Variants in CSMD3 observed in about 807,000 individuals in gnomAD.
CSMD3 encodes the protein CUB and sushi domain-containing protein 3.
A neutral mutation model predicts 435.2 loss-of-function variants in CSMD3; 177 were observed. The ratio of observed to expected loss-of-function variants is 0.41; its 90% CI spans 0.36 to 0.46. The LOEUF is 0.46. CSMD3 is among the 20% of genes least tolerant of loss of function. The pLI is 0.34. For missense variants in CSMD3, 4,265 were observed against 4,504.6 expected, an observed-to-expected ratio of 0.95 and a Z score of 1.52; for synonymous variants, 1,656 against 1,520.5, an observed-to-expected ratio of 1.09 and a Z score of -2.07.
rs190994121 is a variant in CSMD3 at position 112,668,063 on chromosome 8, A to G, written c.2678-1648T>C. Among the ~76,000 whole-genome samples, 202 of 152,240 alleles carry G rather than the reference A, an allele frequency of 1.3e-3. 1 individual carries two copies. Among genetic ancestry groups the G allele is most frequent in the African/African-American group, 4.7e-3 (194 of 41,556 alleles). Reference sequence around the variant, plus strand: ...TTCTGTTTTTAGTAAAACATTTTCTATGTGAAATTGCCAAAAGATGTTATT... The same window carrying G: ...TTCTGTTTTTAGTAAAACATTTTCTGTGTGAAATTGCCAAAAGATGTTATT... On this transcript the variant is annotated intron_variant, in intron 16 of 70. Coordinates refer to ENST00000297405, the MANE Select transcript of CSMD3 (RefSeq NM_198123.2).
At chr8:113,238,176 G>C (rs2093171607) in intron 3 of CSMD3, among the ~76,000 whole-genome samples, 1 of 151,562 alleles carries the variant, frequency 6.6e-6, no homozygotes, top group Non-Finnish European at 1.5e-5. Context: ...TTTTAGTTCT[G>C]CATATTTGGT....
intron 5 of CSMD3, among the ~76,000 whole-genome samples, chr8:113,047,077 GGAA>G (rs1462117674): frequency 6.6e-6 from 1 of 152,188 alleles, no homozygotes; most frequent in Non-Finnish European, 1.5e-5. Flanking sequence ...TGGCCTCCAC[GGAA>G]GAAGAGGAAG....
rs961789165 is a variant in CSMD3, at chr8:113,195,166, C to CA, written c.515-21251dup. Among the ~76,000 whole-genome samples the CA allele has an allele frequency of 9.5e-5, 14 of 147,350 alleles. No individual in the cohort carries two copies. In the South Asian group the frequency reaches 2.0e-3, roughly 21 times the overall value. ...AGCTATTTTTTTCCTTTCTTTCTTACAAAAAACACTCACTACTGAAAACGA... is the reference window on the plus strand; with the variant it reads ...AGCTATTTTTTTCCTTTCTTTCTTACAAAAAAACACTCACTACTGAAAACGA... On this transcript the variant is annotated intron_variant, in intron 3 of 70. Transcript: ENST00000297405.
chr8:112,498,550 A>G (rs1821607122), intron 30 of CSMD3, among the ~76,000 whole-genome samples: 1 of 152,130 alleles, frequency 6.6e-6, no homozygotes, highest in East Asian at 1.9e-4. Context: ...ACCAGTTTCC[A>G]TGAGAAATAA....
chr8:113,311,633 T>C (rs1290094682), intron 2 of CSMD3: 4 of 152,114 alleles, frequency 2.6e-5, no homozygotes, highest in Admixed American at 1.3e-4. Flanking sequence ...GACGCAAATA[T>C]GAATCAAACT....
intron 27 of CSMD3, among the ~76,000 whole-genome samples, chr8:112,536,307 A>G (rs1447898812): frequency 6.6e-6 from 1 of 152,136 alleles, no homozygotes; most frequent in East Asian, 1.9e-4. Context: ...ATCTACAATG[A>G]ACTCAAACAA....
At chr8:112,746,841 G>A (rs2077437959) in intron 13 of CSMD3, among the ~76,000 whole-genome samples, 1 of 152,044 alleles carries the variant, frequency 6.6e-6, no homozygotes, top group Admixed American at 6.6e-5. Context: ...AGACTTGGAA[G>A]GATAGAAATT....
intron 1 of CSMD3, among the ~76,000 whole-genome samples, chr8:113,361,150 A>C (rs2094272888): frequency 6.6e-6 from 1 of 152,120 alleles, no homozygotes; most frequent in African/African-American, 2.4e-5. Flanking sequence ...ATGCATTATG[A>C]TCATGTTCTT....
chr8:112,485,228 C>T (rs1006660816), intron 31 of CSMD3, among the ~76,000 whole-genome samples: 2 of 152,048 alleles, frequency 1.3e-5, no homozygotes, highest in African/African-American at 4.8e-5. Context: ...CAATGCAATG[C>T]AAAATACATT....
At chr8:112,957,207 A>T (rs2084052144) in intron 7 of CSMD3, among the ~76,000 whole-genome samples, 1 of 152,192 alleles carries the variant, frequency 6.6e-6, no homozygotes, top group Admixed American at 6.5e-5. Flanking sequence ...ATAAATCTTG[A>T]CTTGTCATCA....
At chr8:112,874,326 C>T (rs1229777341) in intron 10 of CSMD3, among the ~76,000 whole-genome samples, 1 of 151,992 alleles carries the variant, frequency 6.6e-6, no homozygotes, top group African/African-American at 2.4e-5. Flanking sequence ...GTTTTACTTC[C>T]AATTATGTGG....
chr8:112,380,621 C>T (rs1829387439), intron 37 of CSMD3, among the ~76,000 whole-genome samples, 165 bp from the exon 38 acceptor site: 1 of 152,220 alleles, frequency 6.6e-6, no homozygotes. Flanking sequence ...AATCCTCTTT[C>T]AATATACTAT....
intron 4 of CSMD3, among the ~76,000 whole-genome samples, chr8:113,105,976 G>A (rs2090463311): frequency 6.6e-6 from 1 of 151,990 alleles, no homozygotes; most frequent in African/African-American, 2.4e-5. Context: ...ATATGGAGAT[G>A]ATGGAATTAG....
intron 27 of CSMD3, among the ~76,000 whole-genome samples, chr8:112,525,221 A>C (rs547517111): frequency 1.2e-4 from 18 of 151,666 alleles, no homozygotes; most frequent in Non-Finnish European, 2.1e-4. Flanking sequence ...TTTTCAGAAT[A>C]CATTTTTGAC....
intron 27 of CSMD3, among the ~76,000 whole-genome samples, chr8:112,543,276 G>C (rs1220002065): frequency 6.6e-6 from 1 of 152,084 alleles, no homozygotes; most frequent in Non-Finnish European, 1.5e-5. Flanking sequence ...CAACTTAAAA[G>C]CTTCTGTACA....
chr8:112,670,863 A>G (rs2075639729), intron 16 of CSMD3, among the ~76,000 whole-genome samples: 1 of 152,316 alleles, frequency 6.6e-6, no homozygotes, highest in Admixed American at 6.5e-5. Flanking sequence ...TTGATGTTCA[A>G]GTTTCCATGG....
intron 11 of CSMD3, among the ~76,000 whole-genome samples, chr8:112,830,663 A>G (rs893951757): frequency 2.6e-5 from 4 of 152,064 alleles, no homozygotes; most frequent in African/African-American, 9.7e-5. Context: ...TTACCATATT[A>G]TGAGAGAATA....
intron 24 of CSMD3, among the ~76,000 whole-genome samples, chr8:112,563,172 T>C (rs533491329): frequency 3.3e-5 from 5 of 151,990 alleles, no homozygotes; most frequent in African/African-American, 1.2e-4. Flanking sequence ...AGAAGAGTTA[T>C]ACTCTTTTTC....
chr8:112,748,552 T>A (rs1036807705), intron 13 of CSMD3, among the ~76,000 whole-genome samples: 1 of 152,098 alleles, frequency 6.6e-6, no homozygotes, highest in Non-Finnish European at 1.5e-5. Flanking sequence ...TCTTTAGTTC[T>A]TATTATTTAG....
Sources: allele counts gnomAD v4.1 joint callset (sites outside exome capture counted in the v4.1 genomes callset), GRCh38; gene constraint gnomAD v4.1.1; transcripts MANE v1.5; gene names NCBI Gene and HGNC (gene_info 2026-07-23, HGNC 2026-07-21).